RCHY1: variants seen among roughly 807,000 people sequenced by gnomAD.
RCHY1 encodes RING finger and CHY zinc finger domain-containing protein 1.
A neutral mutation model predicts 41.6 loss-of-function variants in RCHY1; 21 were observed. The ratio of observed to expected loss-of-function variants is 0.51; its 90% confidence interval spans 0.36 to 0.73. The LOEUF (loss-of-function observed/expected upper bound fraction) is 0.73, where lower values mean the gene tolerates loss of function less well. Ranked by LOEUF, RCHY1 falls within the 30% of genes least tolerant of loss-of-function variation. RCHY1 has a pLI of 0.00. For missense variants in RCHY1, 265 were observed against 325.3 expected, an observed-to-expected ratio of 0.81 and a Z score of 1.43; for synonymous variants, 79 against 102.9, an observed-to-expected ratio of 0.77 and a Z score of 1.41.
rs1460605897 is a variant in RCHY1, at chr4:75,479,934, G to GT, written c.*2603dup. 2.6e-5 allele frequency: 4 copies of GT among 152,208 alleles called. No homozygotes were observed. Among genetic ancestry groups the GT allele is most frequent in the Admixed American group, 2.6e-4 (4 of 15,290 alleles). The allele number at this position is 152,208 out of a possible 1,614,324, so 9.4% of individuals were successfully genotyped here. A position where few individuals can be genotyped will look rare whatever the true frequency, so the allele number is the denominator to read the frequency against. The stretch of plus-strand genomic sequence containing the variant: ...TCTCTGAAAGAAGGGATTGTTGAGA[G>GT]TTTTTTACCTTCTTTCTTATAGAGG... On this transcript the variant is annotated 3_prime_UTR_variant, in exon 9 of 9. Transcript: ENST00000324439.
chr4:75,491,764 C>A lies in RCHY1; in HGVS notation c.469G>T (p.Val157Phe). ...CCACATGGCAAGACATGAGCAACAA[C>A]ACGGGATGTGTGAATGTCCTGTAAA... ...ICLEDIHTSR[V>F]VAHVLPCGHL... The change falls in exon 6 of 9, where the codon GTT (valine) becomes TTT (phenylalanine). Residue 157 changes from valine (V) to phenylalanine (F), a missense_variant. Coordinates refer to ENST00000324439, the MANE Select transcript of RCHY1 (RefSeq NM_015436.4). 1 of 1,612,902 alleles carries A rather than the reference C, an allele frequency of 6.2e-7. No homozygotes were observed. The highest frequency in any genetic ancestry group is 8.5e-7 in the Non-Finnish European group (1 of 1,179,250).
At chr4:75,499,868 G>C (rs901354149) in intron 3 of RCHY1, among the ~76,000 whole-genome samples, 5 of 152,168 alleles carry the variant, frequency 3.3e-5, no homozygotes, top group East Asian at 1.9e-4. Context: ...AGACCAGTAG[G>C]GTGACTACGG....
At chr4:75,497,468 A>C (rs938237740) in intron 3 of RCHY1, among the ~76,000 whole-genome samples, 1 of 152,140 alleles carries the variant, frequency 6.6e-6, no homozygotes, top group African/African-American at 2.4e-5. Flanking sequence ...ATTTTCTGTC[A>C]CTTTCCTTTG....
intron 8 of RCHY1, among the ~76,000 whole-genome samples, chr4:75,486,851 C>T (rs373505417): frequency 6.6e-6 from 1 of 151,948 alleles, no homozygotes; most frequent in Non-Finnish European, 1.5e-5. Flanking sequence ...TAGTGGTGTG[C>T]GCTTGTAGTC....
Position 75,479,884 on chromosome 4 carries a change from TCTGTTAA to T in RCHY1, c.*2647_*2653del, listed in dbSNP as rs1560505341. ...AAAGAATAGGAAAAGAATGAAGTTGTCTGTTAAAATGTTAACAGTAGTTCTCTCTGAA... is the reference window on the plus strand; with the variant it reads ...AAAGAATAGGAAAAGAATGAAGTTGTAATGTTAACAGTAGTTCTCTCTGAA... On this transcript the variant is annotated 3_prime_UTR_variant, in exon 9 of 9. Transcript: ENST00000324439. 1 of 152,212 alleles carries T rather than the reference TCTGTTAA, an allele frequency of 6.6e-6. No individual in the cohort carries two copies. Among genetic ancestry groups the T allele is most frequent in the Non-Finnish European group, 1.5e-5 (1 of 68,026 alleles). 9.4% of individuals were successfully genotyped at this position (152,212 alleles called of 1,614,324 possible).
At chr4:75,490,836 A>G (rs1283428042) in intron 7 of RCHY1, 135 bp from the exon 8 acceptor site, 1 of 609,332 alleles carries the variant, frequency 1.6e-6, no homozygotes. Flanking sequence ...ATAATCTCTT[A>G]GGAACCTGGG....
intron 8 of RCHY1, among the ~76,000 whole-genome samples, chr4:75,483,254 A>G (rs2148705140): frequency 6.6e-6 from 1 of 152,350 alleles, no homozygotes; most frequent in African/African-American, 2.4e-5. Context: ...TAAGAACCTG[A>G]AAAATAACAA....
chr4:75,492,515 A>T (rs908343237), intron 4 of RCHY1, among the ~76,000 whole-genome samples: 3 of 151,946 alleles, frequency 2.0e-5, no homozygotes, highest in African/African-American at 7.2e-5. Flanking sequence ...ATTAAACTGG[A>T]GCTCCAGCAG....
chr4:75,497,034 A>G (rs1166567224), intron 3 of RCHY1, among the ~76,000 whole-genome samples: 1 of 152,150 alleles, frequency 6.6e-6, no homozygotes, highest in African/African-American at 2.4e-5. Flanking sequence ...TAGACATAAA[A>G]ACTACAATGT....
At chr4:75,502,626 T>A (rs959832291) in intron 3 of RCHY1, among the ~76,000 whole-genome samples, 2 of 152,232 alleles carry the variant, frequency 1.3e-5, no homozygotes, top group Non-Finnish European at 2.9e-5. Flanking sequence ...TTTGCAATTA[T>A]CATATGGGTC....
intron 1 of RCHY1, among the ~76,000 whole-genome samples, chr4:75,512,211 G>C (rs753767205): frequency 9.2e-5 from 14 of 152,132 alleles, no homozygotes; most frequent in Non-Finnish European, 1.8e-4. Flanking sequence ...CATTCTTCCA[G>C]AGTCTAAGAC....
chr4:75,499,241 T>C (rs866803438), intron 3 of RCHY1, among the ~76,000 whole-genome samples: 34 of 152,178 alleles, frequency 2.2e-4, no homozygotes, highest in African/African-American at 7.7e-4. Flanking sequence ...ACACCCCAGT[T>C]AGAATGGCTT....
At chr4:75,487,839 AAT>A (rs1310609356) in intron 8 of RCHY1, among the ~76,000 whole-genome samples, 2 of 71,872 alleles carry the variant, frequency 2.8e-5, no homozygotes, top group African/African-American at 8.8e-5. Flanking sequence ...ATATATTCAT[AAT>A]ATATATTCAT....
At chr4:75,497,156 G>T (rs1171774427) in intron 3 of RCHY1, among the ~76,000 whole-genome samples, 1 of 152,128 alleles carries the variant, frequency 6.6e-6, no homozygotes, top group Admixed American at 6.6e-5. Context: ...GAAATAGGAA[G>T]AAAAGGGAAT....
chr4:75,490,726 T>G, intron 7 of RCHY1, 25 bp from the exon 8 acceptor site: 1 of 1,575,714 alleles, frequency 6.3e-7, no homozygotes, highest in Middle Eastern at 1.7e-4. Flanking sequence ...AAGGTTATTT[T>G]CCAAATATTA....
chr4:75,512,380 T>C (rs1724979629), intron 1 of RCHY1, among the ~76,000 whole-genome samples: 1 of 152,166 alleles, frequency 6.6e-6, no homozygotes, highest in Non-Finnish European at 1.5e-5. Flanking sequence ...ATTATCTCTA[T>C]TAACTTACTT....
intron 1 of RCHY1, among the ~76,000 whole-genome samples, chr4:75,511,374 C>T (rs1024823211): frequency 6.6e-6 from 1 of 152,266 alleles, no homozygotes; most frequent in Non-Finnish European, 1.5e-5. Context: ...TTATCACTGG[C>T]AACAAATACT....
chr4:75,499,293 T>C (rs766157023), intron 3 of RCHY1, among the ~76,000 whole-genome samples: 1 of 152,140 alleles, frequency 6.6e-6, no homozygotes, highest in Non-Finnish European at 1.5e-5. Flanking sequence ...GGTGAGGATA[T>C]AGAGAAAGTG....
chr4:75,500,650 A>G (rs1269112806), intron 3 of RCHY1, among the ~76,000 whole-genome samples: 2 of 152,212 alleles, frequency 1.3e-5, no homozygotes, highest in Non-Finnish European at 2.9e-5. Context: ...CCACACCTCC[A>G]GATGAGAGTC....
Sources: allele counts gnomAD v4.1 joint callset (sites outside exome capture counted in the v4.1 genomes callset), GRCh38; gene constraint gnomAD v4.1.1; transcripts MANE v1.5; gene names NCBI Gene and HGNC (gene_info 2026-07-23, HGNC 2026-07-21).